FOLR2: variants seen among roughly 807,000 people sequenced by gnomAD.
FOLR2 encodes the protein folate receptor 2 (fetal).
A neutral mutation model predicts 20.4 loss-of-function variants in FOLR2; 14 were observed. That is an observed-to-expected ratio of 0.68 (90% CI 0.45 to 1.07). The LOEUF is 1.07. Among genes scored for constraint, FOLR2 ranks in the 50% least tolerant of loss-of-function variants. The pLI is 0.00. For synonymous variants in FOLR2, 114 were observed against 114.3 expected (o/e 1.00, Z 0.02); for missense variants, 269 against 322.6 (o/e 0.83, Z 1.27).
At position 72,221,067 on chromosome 11, in the gene FOLR2, T is replaced by TCGGGGGGGGCGGCCCCCCCCCCCCC; in HGVS notation, c.339+10_339+11insGGGGGGGGCGGCCCCCCCCCCCCCC. 6.4e-7 allele frequency: 1 copy of TCGGGGGGGGCGGCCCCCCCCCCCCC among 1,570,118 alleles called. No individual in the cohort carries two copies. Among genetic ancestry groups the TCGGGGGGGGCGGCCCCCCCCCCCCC allele is most frequent in the Non-Finnish European group, 8.7e-7 (1 of 1,154,914 alleles). ...GGCCCTGGATCCAGCAGGTAGGGTG[T>TCGGGGGGGGCGGCCCCCCCCCCCCC]CTCCCCCCCACCCACCCCAGCAGAC... is the stretch of plus-strand genomic sequence containing the variant. On this transcript the variant is annotated intron_variant, in intron 3 of 4. Transcript: ENST00000298223.
At chr11:72,218,757 C>G (rs1162079260) in intron 2 of FOLR2, 23 bp downstream of exon 2, 1 of 1,598,912 alleles carries the variant, frequency 6.3e-7, no homozygotes, top group African/African-American at 1.3e-5. Context: ...TGTGCCTCTG[C>G]TAAGGAGGGG....
chr11:72,221,067 T>TCGGGGGGGGGGGGCG lies in FOLR2; in HGVS notation c.339+10_339+11insGGGGGGGGGGGGCGC. 4 of 1,570,106 alleles carry TCGGGGGGGGGGGGCG rather than the reference T, an allele frequency of 2.5e-6. No individual in the cohort carries two copies. The highest frequency in any genetic ancestry group is 3.5e-6 in the Non-Finnish European group (4 of 1,154,902). ...GGCCCTGGATCCAGCAGGTAGGGTG[T>TCGGGGGGGGGGGGCG]CTCCCCCCCACCCACCCCAGCAGAC... On this transcript the variant is annotated intron_variant, in intron 3 of 4. Transcript: ENST00000298223.
intron 2 of FOLR2, 56 bp from the exon 3 acceptor site, chr11:72,220,814 G>A (rs1948471708): frequency 6.2e-7 from 1 of 1,606,170 alleles, no homozygotes; most frequent in Non-Finnish European, 8.5e-7. Context: ...GAGACACGAG[G>A]TGGCAGGAGG....
chr11:72,218,507 A>C (rs1948429766), intron 1 of FOLR2, 54 bp from the exon 2 acceptor site: 2 of 1,521,932 alleles, frequency 1.3e-6, no homozygotes, highest in Admixed American at 1.9e-5. Flanking sequence ...CAGGAGGTGA[A>C]TGGGCTCCCA....
At position 72,221,067 on chromosome 11, in the gene FOLR2, T is replaced by TCGGGGGGGGGCGCCCCCCCCCCC; in HGVS notation, c.339+10_339+11insGGGGGGGGGCGCCCCCCCCCCCC. ...GGCCCTGGATCCAGCAGGTAGGGTG[T>TCGGGGGGGGGCGCCCCCCCCCCC]CTCCCCCCCACCCACCCCAGCAGAC... On this transcript the variant is annotated intron_variant, in intron 3 of 4. Transcript: ENST00000298223. 1.3e-6 allele frequency: 2 copies of TCGGGGGGGGGCGCCCCCCCCCCC among 1,570,098 alleles called. No individual in the cohort carries two copies. The highest frequency in any genetic ancestry group is 1.7e-6 in the Non-Finnish European group (2 of 1,154,898).
In FOLR2 at chr11:72,221,885, C is replaced by CTGT; in HGVS notation, c.*126_*128dup. The CTGT allele has an allele frequency of 3.5e-6, 3 of 860,754 alleles. No homozygotes were observed. Among genetic ancestry groups the CTGT allele is most frequent in the Non-Finnish European group, 5.3e-6 (3 of 564,428 alleles). 53.3% of individuals were successfully genotyped at this position (860,754 alleles called of 1,614,324 possible). A position where few individuals can be genotyped will look rare whatever the true frequency, so the allele number is the denominator to read the frequency against. On this transcript the variant is annotated 3_prime_UTR_variant, in exon 5 of 5. Transcript: ENST00000298223. ...GTCACCTAACCCTCTGTCACCCAGT[C>CTGT]TGTTGCTGCTCCATGGTGGGGCCAA...
intron 1 of FOLR2, 28 bp from the exon 2 acceptor site, chr11:72,218,533 C>G (rs1350020029): frequency 6.3e-7 from 1 of 1,589,340 alleles, no homozygotes; most frequent in South Asian, 1.1e-5. Flanking sequence ...GAGCCCTTTC[C>G]CCTCAGGACT....
rs754835422 is a variant in FOLR2 at position 72,220,902 on chromosome 11, A to G, written c.183A>G (p.Thr61=). The G allele has an allele frequency of 4.3e-6, 7 of 1,613,978 alleles. No homozygotes were observed. Among genetic ancestry groups the G allele is most frequent in the African/African-American group, 1.3e-5 (1 of 75,058 alleles). The change falls in exon 3 of 5, where the codon ACA becomes ACG. Residue 61 remains threonine, a synonymous_variant. Coordinates refer to ENST00000298223, the MANE Select transcript of FOLR2 (RefSeq NM_000803.5). ...CSPWKKNACC[T]ASTSQELHKD... is the part of the protein sequence containing the mutation. ...CCTGGAAGAAGAATGCCTGCTGCACAGCCAGCACCAGCCAGGAGCTGCACA... is the reference window on the plus strand; with the variant it reads ...CCTGGAAGAAGAATGCCTGCTGCACGGCCAGCACCAGCCAGGAGCTGCACA...
chr11:72,218,794 C>T (rs1179421985), intron 2 of FOLR2, 60 bp downstream of exon 2: 11 of 1,460,046 alleles, frequency 7.5e-6, no homozygotes, highest in Non-Finnish European at 8.5e-6. Context: ...AGGAGAAAGT[C>T]AGGATGGTGG....
chr11:72,217,920 G>A (rs1023075701), intron 1 of FOLR2, among the ~76,000 whole-genome samples: 2 of 152,144 alleles, frequency 1.3e-5, no homozygotes, highest in Non-Finnish European at 2.9e-5. Context: ...CATTAGCCCA[G>A]AGACAGCTGA....
In FOLR2 at chr11:72,216,894, C is replaced by G. The variant is rs760408475; in HGVS notation, c.-56C>G. 2 of 1,599,506 alleles carry G rather than the reference C, an allele frequency of 1.3e-6. No homozygotes were observed. The highest frequency in any genetic ancestry group is 2.2e-5 in the East Asian group (1 of 44,878). Reference sequence around the variant, plus strand: ...AGAGAGAGGCCAACTCAGACACAGCCGTGTATGCTCCCAGCAGCAACGGAG... The same window carrying G: ...AGAGAGAGGCCAACTCAGACACAGCGGTGTATGCTCCCAGCAGCAACGGAG... On this transcript the variant is annotated 5_prime_UTR_variant, in exon 1 of 5. Transcript: ENST00000298223.
At chr11:72,218,530 T>C (rs773849872) in intron 1 of FOLR2, 31 bp from the exon 2 acceptor site, 21 of 1,587,856 alleles carry the variant, frequency 1.3e-5, no homozygotes, top group Non-Finnish European at 7.7e-6. Context: ...TTGGAGCCCT[T>C]TCCCCTCAGG....
At position 72,221,589 on chromosome 11, in the gene FOLR2, G is replaced by A. The variant is rs1948495849; in HGVS notation, c.595G>A (p.Gly199Arg). The change falls in exon 5 of 5, where the codon GGG becomes AGG. Residue 199 changes from glycine (G) to arginine (R), a missense_variant. Coordinates refer to ENST00000298223, the MANE Select transcript of FOLR2 (RefSeq NM_000803.5). Reference protein sequence around the residue: ...HSYKVSNYSRGSGRCIQMWFD... With the variant: ...HSYKVSNYSRRSGRCIQMWFD... ...ATACAAGGTCAGCAACTACAGCCGA[G>A]GGAGCGGCCGCTGCATCCAGATGTG... 2 of 1,614,202 alleles carry A rather than the reference G, an allele frequency of 1.2e-6. No individual in the cohort carries two copies. The highest frequency in any genetic ancestry group is 4.5e-5 in the East Asian group (2 of 44,886).
At chr11:72,221,148 G>A (rs1186152482) in intron 3 of FOLR2, 28 bp from the exon 4 acceptor site, 4 of 1,603,108 alleles carry the variant, frequency 2.5e-6, no homozygotes, top group Non-Finnish European at 3.4e-6. Context: ...TGGCTGAGAG[G>A]AGCCCTGCCT....
In FOLR2 at chr11:72,216,896, T is replaced by G. The variant is rs370957762; in HGVS notation, c.-54T>G. On this transcript the variant is annotated 5_prime_UTR_variant, in exon 1 of 5. Transcript: ENST00000298223. ...AGAGAGGCCAACTCAGACACAGCCGTGTATGCTCCCAGCAGCAACGGAGGT... is the reference window on the plus strand; with the variant it reads ...AGAGAGGCCAACTCAGACACAGCCGGGTATGCTCCCAGCAGCAACGGAGGT... 5 of 1,599,456 alleles carry G rather than the reference T, an allele frequency of 3.1e-6. No homozygotes were observed. Among genetic ancestry groups the G allele is most frequent in the Non-Finnish European group, 4.2e-6 (5 of 1,179,792 alleles).
intron 2 of FOLR2, among the ~76,000 whole-genome samples, chr11:72,218,957 T>C (rs976309259): frequency 6.6e-6 from 1 of 152,250 alleles, no homozygotes; most frequent in Non-Finnish European, 1.5e-5. Flanking sequence ...CGTCATTCGA[T>C]GGGCACCTGT....
At position 72,221,306 on chromosome 11, in the gene FOLR2, C is replaced by G; in HGVS notation, c.470C>G (p.Thr157Ser). The change falls in exon 4 of 5, where the codon ACC becomes AGC. Residue 157 changes from threonine (T) to serine (S), a missense_variant. Thr to Ser is a moderately conservative substitution (Grantham distance 58, BLOSUM62 1). Coordinates refer to ENST00000298223, the MANE Select transcript of FOLR2 (RefSeq NM_000803.5). ...AACTGGCACAGAGGATGGGACTGGA[C>G]CTCAGGTGAGGGTGATTGAGTTGGG... Reference protein sequence around the residue: ...KSNWHRGWDWTSGVNKCPAGA... With the variant: ...KSNWHRGWDWSSGVNKCPAGA... 6.2e-7 allele frequency: 1 copy of G among 1,613,712 alleles called. No homozygotes were observed. The highest frequency in any genetic ancestry group is 1.3e-5 in the African/African-American group (1 of 75,022).
Position 72,221,067 on chromosome 11 carries a change from T to TCAA in FOLR2, c.339+10_339+11insAAC. 1 of 1,570,120 alleles carries TCAA rather than the reference T, an allele frequency of 6.4e-7. No individual in the cohort carries two copies. Among genetic ancestry groups the TCAA allele is most frequent in the South Asian group, 1.1e-5 (1 of 87,006 alleles). On this transcript the variant is annotated intron_variant, in intron 3 of 4. Coordinates refer to ENST00000298223, the MANE Select transcript of FOLR2 (RefSeq NM_000803.5). ...GGCCCTGGATCCAGCAGGTAGGGTG[T>TCAA]CTCCCCCCCACCCACCCCAGCAGAC...
Position 72,221,321 on chromosome 11 carries a change from A to G in FOLR2, c.475+10A>G, listed in dbSNP as rs764142938. ...TGGGACTGGACCTCAGGTGAGGGTG[A>G]TTGAGTTGGGGTTAGGAAAAAGGAG... On this transcript the variant is annotated intron_variant, in intron 4 of 4. Transcript: ENST00000298223. 6.2e-7 allele frequency: 1 copy of G among 1,612,646 alleles called. No homozygotes were observed. The highest frequency in any genetic ancestry group is 1.1e-5 in the South Asian group (1 of 91,036).
Sources: allele counts gnomAD v4.1 joint callset (sites outside exome capture counted in the v4.1 genomes callset), GRCh38; gene constraint gnomAD v4.1.1; transcripts MANE v1.5; gene names NCBI Gene and HGNC (gene_info 2026-07-23, HGNC 2026-07-21).